ANKRD30A: variants seen among roughly 807,000 people sequenced by gnomAD.
ANKRD30A encodes the protein ankyrin repeat domain-containing protein 30A.
ANKRD30A carries 170 observed loss-of-function variants against 166.3 expected under a neutral mutation model. That is an observed-to-expected ratio of 1.02 (90% CI 0.90 to 1.16). The LOEUF (loss-of-function observed/expected upper bound fraction) is 1.16, where lower values mean the gene tolerates loss of function less well. Ranked by LOEUF, ANKRD30A falls within the 50% of genes most tolerant of loss-of-function variation. ANKRD30A has a pLI of 0.00. For missense variants in ANKRD30A, 1,630 were observed against 1,518.0 expected (o/e 1.07, Z -1.23); for synonymous variants, 564 against 508.9 (o/e 1.11, Z -1.46).
At chr10:37,172,790 T>C (rs1206383832) in intron 21 of ANKRD30A, among the ~76,000 whole-genome samples, 12 of 146,756 alleles carry the variant, frequency 8.2e-5, no homozygotes, top group African/African-American at 3.0e-4. Flanking sequence ...AATATATATA[T>C]TTTGTTGATG....
At chr10:37,203,775 G>A (rs947302371) in intron 31 of ANKRD30A, among the ~76,000 whole-genome samples, 6 of 152,128 alleles carry the variant, frequency 3.9e-5, no homozygotes, top group Non-Finnish European at 8.8e-5. Context: ...GCTGATATAA[G>A]CAGCATCAGC....
the ANKRD30A span, among the ~76,000 whole-genome samples, chr10:37,253,914 T>G: frequency 6.6e-6 from 1 of 152,202 alleles, no homozygotes; most frequent in Admixed American, 6.5e-5. Context: ...CCTCCCAAAG[T>G]GCTGGGATTA....
chr10:37,249,341 C>T, the ANKRD30A span, among the ~76,000 whole-genome samples: 1 of 152,060 alleles, frequency 6.6e-6, no homozygotes, highest in Non-Finnish European at 1.5e-5. Flanking sequence ...GACCCATTTT[C>T]ATTGGATTAT....
At chr10:37,220,428 G>C (rs1292986107) in intron 34 of ANKRD30A, among the ~76,000 whole-genome samples, 2 of 150,754 alleles carry the variant, frequency 1.3e-5, no homozygotes, top group Non-Finnish European at 3.0e-5. Flanking sequence ...TTTTTCAGTA[G>C]CTTTTTATGT....
At chr10:37,171,583 C>T (rs1839566970) in intron 21 of ANKRD30A, among the ~76,000 whole-genome samples, 1 of 151,708 alleles carries the variant, frequency 6.6e-6, no homozygotes, top group African/African-American at 2.4e-5. Flanking sequence ...ATGCTCAGAT[C>T]AGAAGCTAGA....
At chr10:37,178,158 G>C (rs1441489381) in intron 24 of ANKRD30A, among the ~76,000 whole-genome samples, 1 of 151,252 alleles carries the variant, frequency 6.6e-6, no homozygotes, top group Non-Finnish European at 1.5e-5. Flanking sequence ...TAGAAATTTG[G>C]GAAGAATATA....
In ANKRD30A at chr10:37,217,853, A is replaced by G. The variant is rs537639199; in HGVS notation, c.3242A>G (p.Lys1081Arg). The change falls in exon 33 of 36, where the codon AAG (lysine) becomes AGG (arginine). Residue 1081 changes from lysine to arginine, a missense_variant. Coordinates refer to ENST00000361713, the MANE Select transcript of ANKRD30A (RefSeq NM_052997.3). ...QALRIQDIEL[K>R]SVESNLNQVS... ...CTCAGAATACAAGATATAGAATTGA[A>G]GAGTGTAGAAAGTAATTTGAATCAG... 5.7e-6 allele frequency: 9 copies of G among 1,574,522 alleles called. No homozygotes were observed. In the South Asian group the frequency reaches 8.3e-5, roughly 15 times the overall value.
At position 37,205,169 on chromosome 10, in the gene ANKRD30A, C is replaced by A. The variant is rs1564567641; in HGVS notation, c.2869+3844C>A. Reference sequence around the variant, plus strand: ...GCACACATATGTTTATTGCAGCACTCTTCACAATAGCAAAGACTTGGAACT... The same window carrying A: ...GCACACATATGTTTATTGCAGCACTATTCACAATAGCAAAGACTTGGAACT... On this transcript the variant is annotated intron_variant, in intron 31 of 35. Coordinates refer to ENST00000361713, the MANE Select transcript of ANKRD30A (RefSeq NM_052997.3). Among the ~76,000 whole-genome samples, 3 of 151,928 alleles carry A rather than the reference C, an allele frequency of 2.0e-5. 1 individual carries two copies. In the South Asian group the frequency reaches 6.2e-4, roughly 32 times the overall value.
intron 31 of ANKRD30A, among the ~76,000 whole-genome samples, chr10:37,211,144 T>G (rs1198548105): frequency 6.6e-6 from 1 of 151,900 alleles, no homozygotes; most frequent in African/African-American, 2.4e-5. Flanking sequence ...TATCTAGAAT[T>G]TTTTTTATTA....
At chr10:37,249,115 A>G in the ANKRD30A span, among the ~76,000 whole-genome samples, 11 of 152,156 alleles carry the variant, frequency 7.2e-5, no homozygotes, top group Non-Finnish European at 1.6e-4. Context: ...GGTCTCAGTG[A>G]GAGAACAGTC....
Position 37,194,610 on chromosome 10 carries a change from A to G in ANKRD30A, c.2614+1352A>G, listed in dbSNP as rs139834535. On this transcript the variant is annotated intron_variant, in intron 27 of 35. Transcript: ENST00000361713. ...TGCGCCCGTCTCGGCCTCCCAAAGT[A>G]CTGGAATTACAGGCGTGAGGCACCG... is the stretch of plus-strand genomic sequence containing the variant. 7.7e-3 allele frequency among the ~76,000 whole-genome samples: 1,171 copies of G among 152,126 alleles called. 19 individuals are homozygous for G. The highest frequency in any genetic ancestry group is 0.026 in the African/African-American group (1,066 of 41,510).
the ANKRD30A span, among the ~76,000 whole-genome samples, chr10:37,247,215 T>C: frequency 6.6e-6 from 1 of 152,080 alleles, no homozygotes; most frequent in Non-Finnish European, 1.5e-5. Flanking sequence ...AAGTGATTGG[T>C]TGTTTCAGAG....
chr10:37,205,385 T>C (rs918199851), intron 31 of ANKRD30A, among the ~76,000 whole-genome samples: 1 of 135,172 alleles, frequency 7.4e-6, no homozygotes, highest in Admixed American at 8.9e-5. Flanking sequence ...CACCCATAGG[T>C]GGGAATTGAA....
chr10:37,133,403 A>G (rs1240386739), intron 4 of ANKRD30A, among the ~76,000 whole-genome samples: 1 of 152,204 alleles, frequency 6.6e-6, no homozygotes, highest in Non-Finnish European at 1.5e-5. Flanking sequence ...AAGGAGAATA[A>G]TAATATGTCC....
intron 31 of ANKRD30A, among the ~76,000 whole-genome samples, chr10:37,214,345 A>G (rs2132728148): frequency 6.6e-6 from 1 of 151,478 alleles, no homozygotes; most frequent in South Asian, 2.1e-4. Context: ...TTACTTTTAT[A>G]TCCATTCTGA....
At chr10:37,224,984 A>G (rs1434992703) in intron 34 of ANKRD30A, among the ~76,000 whole-genome samples, 1 of 151,594 alleles carries the variant, frequency 6.6e-6, no homozygotes, top group African/African-American at 2.4e-5. Flanking sequence ...TCATATATAA[A>G]TATGCTTTTC....
chr10:37,154,690 T>C (rs1407703779), intron 13 of ANKRD30A, among the ~76,000 whole-genome samples: 2 of 152,022 alleles, frequency 1.3e-5, no homozygotes, highest in Non-Finnish European at 2.9e-5. Context: ...AGCAGAGAGA[T>C]TGTGAGGCAG....
In ANKRD30A at chr10:37,219,427, G is replaced by C. The variant is rs777208649; in HGVS notation, c.3715G>C (p.Val1239Leu). Reference sequence around the variant, plus strand: ...TTTGCAAAGAAAAATGAATGTTGATGTGAGTAGTACGATATATAACAATGA... The same window carrying C: ...TTTGCAAAGAAAAATGAATGTTGATCTGAGTAGTACGATATATAACAATGA... Reference protein sequence around the residue: ...ACLQRKMNVDVSSTIYNNEVL... With the variant: ...ACLQRKMNVDLSSTIYNNEVL... Residue 1239 changes from valine to leucine, a missense_variant, in exon 34 of 36, where the codon GTG becomes CTG. This residue lies in a region of ANKRD30A where 712 missense variants were observed against 629.3 expected (regional missense o/e 1.13). Coordinates refer to ENST00000361713, the MANE Select transcript of ANKRD30A (RefSeq NM_052997.3). 4 of 1,610,438 alleles carry C rather than the reference G, an allele frequency of 2.5e-6. No individual in the cohort carries two copies. In the Admixed American group the frequency reaches 5.0e-5, roughly 20 times the overall value.
intron 31 of ANKRD30A, among the ~76,000 whole-genome samples, chr10:37,211,540 A>G (rs570965267): frequency 2.0e-5 from 3 of 152,150 alleles, no homozygotes; most frequent in Admixed American, 2.0e-4. Flanking sequence ...TCATTGTTGG[A>G]CATTTGTGTT....
Sources: allele counts gnomAD v4.1 joint callset (sites outside exome capture counted in the v4.1 genomes callset), GRCh38; gene constraint gnomAD v4.1.1; regional missense constraint gnomAD v4.1.1; transcripts MANE v1.5; gene names NCBI Gene and HGNC (gene_info 2026-07-23, HGNC 2026-07-21).